The following ZNF214 variants were observed in gnomAD, a reference collection of about 807,000 sequenced individuals.
ZNF214 encodes BWSCR2-associated zinc finger protein 1.
A neutral mutation model predicts 53.9 loss-of-function variants in ZNF214; 43 were observed. That is an observed-to-expected ratio of 0.80 (90% CI 0.63 to 1.03). ZNF214 has a LOEUF of 1.03. ZNF214 is among the 50% of genes least tolerant of loss of function. The pLI is 0.00. For missense variants in ZNF214, 724 were observed against 719.1 expected, an observed-to-expected ratio of 1.01 and a Z score of -0.08; for synonymous variants, 217 against 229.5, an observed-to-expected ratio of 0.95 and a Z score of 0.49.
Position 7,001,350 on chromosome 11 carries a change from T to G in ZNF214, c.333A>C (p.Thr111=), listed in dbSNP as rs928809261. The change falls in exon 3 of 3, where the codon ACA becomes ACC. Residue 111 remains threonine (T), a synonymous_variant. Transcript: ENST00000278314. ...SQCQEWLILS[T]QVPGYGNYEL... Reference sequence around the variant, plus strand: ...CATAGTTCCCATACCCTGGTACTTGTGTGGAGAGTATTAACCATTCCTGAC... The same window carrying G: ...CATAGTTCCCATACCCTGGTACTTGGGTGGAGAGTATTAACCATTCCTGAC... 1.9e-6 allele frequency: 3 copies of G among 1,613,230 alleles called. No individual in the cohort carries two copies. The Admixed American group carries it at 5.0e-5, about 27-fold the overall frequency.
Position 6,997,613 on chromosome 11 carries a change from A to C in ZNF214, c.*2249T>G, listed in dbSNP as rs1851217322. ...AAAAAAAAAAAAAAGGCCTTTCTTA[A>C]ATTGTCATTCAAAAAGAAAATGTTA... is the stretch of plus-strand genomic sequence containing the variant. On this transcript the variant is annotated 3_prime_UTR_variant, in exon 3 of 3. Coordinates refer to ENST00000278314, the MANE Select transcript of ZNF214 (RefSeq NM_013249.4). 6.6e-6 allele frequency among the ~76,000 whole-genome samples: 1 copy of C among 150,932 alleles called. No homozygotes were observed. Among genetic ancestry groups the C allele is most frequent in the South Asian group, 2.1e-4 (1 of 4,800 alleles).
chr11:7,013,089 T>C (rs1202465149), intron 1 of ZNF214, among the ~76,000 whole-genome samples: 1 of 152,086 alleles, frequency 6.6e-6, no homozygotes, highest in Non-Finnish European at 1.5e-5. Flanking sequence ...CTCCACGTGG[T>C]CCTTTCAAGT....
At chr11:7,006,416 AG>A (rs1851474142) in intron 1 of ZNF214, among the ~76,000 whole-genome samples, 1 of 152,068 alleles carries the variant, frequency 6.6e-6, no homozygotes, top group Non-Finnish European at 1.5e-5. Flanking sequence ...TTTTCAAGAA[AG>A]GTCAGTTAAA....
rs200325906 is a variant in ZNF214 at position 6,999,975 on chromosome 11, G to A, written c.1708C>T (p.Arg570Ter). The A allele has an allele frequency of 1.7e-4, 274 of 1,613,176 alleles. 2 individuals are homozygous for A. The highest frequency in any genetic ancestry group is 1.7e-4 in the Admixed American group (10 of 59,846). ...CCTGCATGGACTCTTTGATGAATTCGAAGAGCTGAGCTATGACTGAAACCT... is the reference window on the plus strand; with the variant it reads ...CCTGCATGGACTCTTTGATGAATTCAAAGAGCTGAGCTATGACTGAAACCT... ...GKGFSHSSAL[R>*]IHQRVHAGEK... Residue 570 changes from arginine (R) to a stop codon, truncating the protein, a stop_gained, in exon 3 of 3, where the codon CGA (arginine) becomes TGA (stop). Transcript: ENST00000278314. LOFTEE classifies it high-confidence loss of function.
intron 1 of ZNF214, among the ~76,000 whole-genome samples, chr11:7,005,792 C>CT (rs1307528629): frequency 6.6e-6 from 1 of 152,020 alleles, no homozygotes; most frequent in Non-Finnish European, 1.5e-5. Flanking sequence ...AATTGGTTGT[C>CT]TAATTCTGTA....
rs910763593 is a variant in ZNF214 at position 7,002,997 on chromosome 11, T to C, written c.-20-142A>G. ...AGGTAAGGAGAGGTAATAACAATAG[T>C]AGTTAAATAGCTAAATAATATATCC... On this transcript the variant is annotated intron_variant, in intron 1 of 2. Coordinates refer to ENST00000278314, the MANE Select transcript of ZNF214 (RefSeq NM_013249.4). 9.4e-6 allele frequency: 6 copies of C among 638,610 alleles called. No individual in the cohort carries two copies. In the African/African-American group the frequency reaches 9.6e-5, roughly 10 times the overall value. 39.6% of individuals were successfully genotyped at this position (638,610 alleles called of 1,614,324 possible). A position where few individuals can be genotyped will look rare whatever the true frequency, so the allele number is the denominator to read the frequency against.
Position 7,000,436 on chromosome 11 carries a change from C to G in ZNF214, c.1247G>C (p.Cys416Ser), listed in dbSNP as rs747369231. The G allele has an allele frequency of 1.2e-6, 2 of 1,613,412 alleles. No individual in the cohort carries two copies. Among genetic ancestry groups the G allele is most frequent in the Non-Finnish European group, 1.7e-6 (2 of 1,179,588 alleles). The change falls in exon 3 of 3, where the codon TGT becomes TCT. Residue 416 changes from cysteine (C) to serine (S), a missense_variant. Transcript: ENST00000278314. Reference protein sequence around the residue: ...LVHTGEKSYKCEDCGKGFTQR... With the variant: ...LVHTGEKSYKSEDCGKGFTQR... ...GGTAAAGCCTTTACCACAGTCTTCACATTTATAAGACTTCTCTCCTGTGTG... is the reference window on the plus strand; with the variant it reads ...GGTAAAGCCTTTACCACAGTCTTCAGATTTATAAGACTTCTCTCCTGTGTG...
In ZNF214 at chr11:7,020,325, C is replaced by G. The variant is rs1317994135; in HGVS notation, c.-273G>C. 1 of 150,958 alleles carries G rather than the reference C, an allele frequency of 6.6e-6. No homozygotes were observed. Among genetic ancestry groups the G allele is most frequent in the Admixed American group, 6.6e-5 (1 of 15,170 alleles). 9.4% of individuals were successfully genotyped at this position (150,958 alleles called of 1,614,324 possible). ...GTCCACACAAACAATGGCCGCAGCC[C>G]GGCTGGACCGAAACGGAAGTCCCAG... On this transcript the variant is annotated 5_prime_UTR_variant, in exon 1 of 3. Transcript: ENST00000278314.
At chr11:7,003,314 T>A (rs892369503) in intron 1 of ZNF214, among the ~76,000 whole-genome samples, 2 of 151,990 alleles carry the variant, frequency 1.3e-5, no homozygotes, top group African/African-American at 2.4e-5. Flanking sequence ...AAATTTCAAT[T>A]TAAAATATTG....
intron 2 of ZNF214, 76 bp from the exon 3 acceptor site, chr11:7,001,631 C>T (rs1245989565): frequency 4.8e-6 from 7 of 1,469,848 alleles, no homozygotes; most frequent in Non-Finnish European, 6.3e-6. Flanking sequence ...AAATCAATGA[C>T]CTTTAAATGA....
rs1384632393 is a variant in ZNF214, at chr11:7,004,697, G to C, written c.-20-1842C>G. Reference sequence around the variant, plus strand: ...ATGAGAAAACCTAGGCAGCCCTGTGGTGAGGAACTGGGACCTTCTGCTTTC... The same window carrying C: ...ATGAGAAAACCTAGGCAGCCCTGTGCTGAGGAACTGGGACCTTCTGCTTTC... On this transcript the variant is annotated intron_variant, in intron 1 of 2. Coordinates refer to ENST00000278314, the MANE Select transcript of ZNF214 (RefSeq NM_013249.4). Among the ~76,000 whole-genome samples, 89 of 152,200 alleles carry C rather than the reference G, an allele frequency of 5.8e-4. 1 individual carries two copies. Among genetic ancestry groups the C allele is most frequent in the Non-Finnish European group, 1.3e-4 (9 of 67,990 alleles).
rs55641448 is a variant in ZNF214, at chr11:7,018,495, C to CTTTTTTTTTTTTTT, written c.-21+1564_-21+1577dup. 2.1e-4 allele frequency among the ~76,000 whole-genome samples: 13 copies of CTTTTTTTTTTTTTT among 61,876 alleles called. 2 individuals are homozygous for CTTTTTTTTTTTTTT. The highest frequency in any genetic ancestry group is 2.9e-4 in the Non-Finnish European group (10 of 34,208). The allele number at this position is 61,876 out of a possible 152,430, so 40.6% of individuals were successfully genotyped here. ...TAGTTTATTACCCCCAATGTTAAGA[C>CTTTTTTTTTTTTTT]TTTTTTTTTTTTTTTTTTTTTTTTG... On this transcript the variant is annotated intron_variant, in intron 1 of 2. Coordinates refer to ENST00000278314, the MANE Select transcript of ZNF214 (RefSeq NM_013249.4).
At chr11:7,008,044 C>A (rs1851514742) in intron 1 of ZNF214, among the ~76,000 whole-genome samples, 1 of 151,252 alleles carries the variant, frequency 6.6e-6, no homozygotes, top group African/African-American at 2.4e-5. Flanking sequence ...TATAACAATT[C>A]TTAATTGTTT....
Position 6,999,752 on chromosome 11 carries a change from T to C in ZNF214, c.*110A>G. The C allele has an allele frequency of 2.5e-6, 3 of 1,216,920 alleles. No homozygotes were observed. Among genetic ancestry groups the C allele is most frequent in the Non-Finnish European group, 3.3e-6 (3 of 897,624 alleles). 75.4% of individuals were successfully genotyped at this position (1,216,920 alleles called of 1,614,324 possible). A position where few individuals can be genotyped will look rare whatever the true frequency, so the allele number is the denominator to read the frequency against. ...AGTGGGAGATAGGGGAAACTATAAA[T>C]GTTGCTTGGGATTACTTGTGTTATT... On this transcript the variant is annotated 3_prime_UTR_variant, in exon 3 of 3. Transcript: ENST00000278314.
intron 1 of ZNF214, among the ~76,000 whole-genome samples, chr11:7,013,658 TCC>T (rs1200724508): frequency 2.0e-5 from 3 of 151,168 alleles, no homozygotes; most frequent in Admixed American, 6.6e-5. Context: ...TGTTCCCACC[TCC>T]TTTTCTCTCT....
intron 1 of ZNF214, among the ~76,000 whole-genome samples, chr11:7,016,348 C>A (rs949035981): frequency 7.2e-5 from 11 of 152,074 alleles, no homozygotes; most frequent in African/African-American, 2.2e-4. Flanking sequence ...GTACTATGAC[C>A]AATGTGCTAT....
rs776767283 is a variant in ZNF214, at chr11:7,002,825, G to A, written c.11C>T (p.Thr4Ile). 1.9e-6 allele frequency: 3 copies of A among 1,599,648 alleles called. No individual in the cohort carries two copies. The highest frequency in any genetic ancestry group is 1.4e-5 in the African/African-American group (1 of 74,064). The part of the protein sequence containing the change: MAV[T>I]FEDVTIIFTW... ...AAAAATAATAGTCACATCTTCAAAT[G>A]TTACTGCCATCTGGTCAAAGATCAG... The change falls in exon 2 of 3, where the codon ACA becomes ATA. Residue 4 changes from threonine (T) to isoleucine (I), a missense_variant. Transcript: ENST00000278314.
chr11:7,002,599 G>T, intron 2 of ZNF214, 110 bp downstream of exon 2: 3 of 1,206,130 alleles, frequency 2.5e-6, no homozygotes, highest in Non-Finnish European at 3.3e-6. Context: ...AAACATTTTT[G>T]AGAATATCTC....
chr11:7,002,242 C>T (rs533100675), intron 2 of ZNF214, among the ~76,000 whole-genome samples: 1 of 152,064 alleles, frequency 6.6e-6, no homozygotes, highest in African/African-American at 2.4e-5. Context: ...GCCGACTGCC[C>T]CACATTTGAG....
Sources: gnomAD v4.1 joint callset for allele counts (sites outside exome capture counted in the v4.1 genomes callset) on GRCh38, gnomAD v4.1.1 for gene constraint, MANE v1.5 for transcripts, NCBI Gene and HGNC (gene_info 2026-07-23, HGNC 2026-07-21) for gene names.